The following TBXAS1 variants were observed in gnomAD, a reference collection of about 807,000 sequenced individuals.
TBXAS1 encodes the protein thromboxane-A synthase.
TBXAS1 carries 48 observed loss-of-function variants against 60.7 expected under a neutral mutation model. The observed-to-expected ratio is 0.79, with a 90% CI of 0.63 to 1.01. The LOEUF is 1.01. Ranked by LOEUF, TBXAS1 falls within the 50% of genes least tolerant of loss-of-function variation. TBXAS1 has a pLI of 0.00. For synonymous variants in TBXAS1, 287 were observed against 269.7 expected (o/e 1.06, Z -0.63); for missense variants, 685 against 686.3 (o/e 1.00, Z 0.02).
rs139712575 is a variant in TBXAS1, at chr7:139,910,261, C to T, written c.237-964C>T. ...GTAAGTATAATATGACATGTGTTTA[C>T]GCACTATCTCCAGTTAGAGTTCACG... On this transcript the variant is annotated intron_variant, in intron 3 of 12. Transcript: ENST00000448866. Among the ~76,000 whole-genome samples the T allele has an allele frequency of 6.8e-4, 103 of 152,278 alleles. No individual in the cohort carries two copies. The East Asian group carries it at 0.018, about 26-fold the overall frequency.
chr7:139,996,832 C>T (rs542897664), intron 9 of TBXAS1, among the ~76,000 whole-genome samples: 63 of 152,252 alleles, frequency 4.1e-4, no homozygotes, highest in Non-Finnish European at 8.4e-4. Context: ...CAATAGGGAA[C>T]AGCCAAGATA....
At chr7:140,017,865 G>T in intron 12 of TBXAS1, 32 bp downstream of exon 12, 4 of 1,613,942 alleles carry the variant, frequency 2.5e-6, no homozygotes, top group Non-Finnish European at 3.4e-6. Flanking sequence ...GCAGGGGCAG[G>T]GGCAGGGGTG....
chr7:139,955,607 T>A lies in TBXAS1; in HGVS notation c.688T>A (p.Leu230Ile). ...CIPRPILVLL[L>I]SFPSIMVPLA... is the part of the protein sequence containing the mutation. ...CCCCAGACCTATCCTGGTTTTACTC[T>A]GTAAGTGCGGCTGCAGCCCGGGGCG... Residue 230 changes from leucine (L) to isoleucine (I), a missense_variant and splice_region_variant, in exon 7 of 13, where the codon TTA becomes ATA. Physicochemically the swap from Leu to Ile is conservative, Grantham distance 5. Transcript: ENST00000448866. The A allele has an allele frequency of 6.2e-7, 1 of 1,614,090 alleles. No individual in the cohort carries two copies. The highest frequency in any genetic ancestry group is 8.5e-7 in the Non-Finnish European group (1 of 1,180,014).
chr7:139,990,233 AC>A (rs1369610420), intron 9 of TBXAS1, among the ~76,000 whole-genome samples: 1 of 151,854 alleles, frequency 6.6e-6, no homozygotes, highest in African/African-American at 2.4e-5. Flanking sequence ...CTGAAGGGAG[AC>A]CCCGAGGCCA....
At chr7:139,825,764 A>G (rs1798420115), upstream of TBXAS1, among the ~76,000 whole-genome samples, 1 of 152,222 alleles carries the variant, frequency 6.6e-6, no homozygotes, top group Admixed American at 6.5e-5. Context: ...TCACCTCTGT[A>G]AAAAAGAGTA....
chr7:139,987,862 T>C (rs757323163), intron 9 of TBXAS1, among the ~76,000 whole-genome samples: 1 of 152,152 alleles, frequency 6.6e-6, no homozygotes, highest in Non-Finnish European at 1.5e-5. Context: ...CCAAAAGACT[T>C]TGGGGGCCAC....
intron 2 of TBXAS1, 37 bp from the exon 3 acceptor site, chr7:139,875,548 T>C: frequency 6.3e-7 from 1 of 1,588,796 alleles, no homozygotes; most frequent in Non-Finnish European, 8.6e-7. Flanking sequence ...GAATTTTGCT[T>C]AATCTTATTC....
chr7:139,855,950 C>T (rs1185522966), intron 1 of TBXAS1, among the ~76,000 whole-genome samples: 1 of 152,194 alleles, frequency 6.6e-6, no homozygotes, highest in Non-Finnish European at 1.5e-5. Context: ...AAAGACACCA[C>T]AGTTTCCTTA....
chr7:139,851,254 C>G (rs1260799889), intron 1 of TBXAS1, among the ~76,000 whole-genome samples: 1 of 152,216 alleles, frequency 6.6e-6, no homozygotes, highest in Non-Finnish European at 1.5e-5. Context: ...TTCATTCAGA[C>G]AGCTCAGGAG....
intron 10 of TBXAS1, among the ~76,000 whole-genome samples, chr7:140,011,025 T>C (rs184281573): frequency 6.6e-6 from 1 of 150,982 alleles, no homozygotes; most frequent in Non-Finnish European, 1.5e-5. Context: ...CACCTGTAAT[T>C]CCAGCACTTT....
intron 4 of TBXAS1, among the ~76,000 whole-genome samples, chr7:139,800,503 C>T (rs1052905362): frequency 4.6e-5 from 7 of 152,152 alleles, no homozygotes; most frequent in African/African-American, 1.7e-4. Context: ...GTCATTCCCA[C>T]TTCCCGCCAC....
intron 3 of TBXAS1, among the ~76,000 whole-genome samples, chr7:139,903,510 G>A (rs1030611940): frequency 4.6e-5 from 7 of 152,030 alleles, no homozygotes; most frequent in Admixed American, 2.0e-4. Flanking sequence ...GTTCTTTAAG[G>A]AAACTCCACA....
rs191003536 is a variant in TBXAS1 at position 139,880,252 on chromosome 7, C to T, written c.236+4615C>T. On this transcript the variant is annotated intron_variant, in intron 3 of 12. Coordinates refer to ENST00000448866, the MANE Select transcript of TBXAS1 (RefSeq NM_001061.7). ...CTTAGCCTTATCCCCGTTTCTTCTT[C>T]CCCCAACATCACTTTAGTTTTGATC... is the stretch of plus-strand genomic sequence containing the variant. Among the ~76,000 whole-genome samples, 436 of 152,250 alleles carry T rather than the reference C, an allele frequency of 2.9e-3. 3 individuals carry two copies. Among genetic ancestry groups the T allele is most frequent in the Middle Eastern group, 0.014 (4 of 294 alleles).
intron 9 of TBXAS1, among the ~76,000 whole-genome samples, chr7:139,980,917 T>C (rs1433951468): frequency 6.6e-6 from 1 of 151,080 alleles, no homozygotes; most frequent in African/African-American, 2.4e-5. Context: ...CAGGCATTTC[T>C]TCCACAAGCA....
chr7:139,984,640 G>GAAAGAAAGAAAGAA (rs1554503305), intron 9 of TBXAS1, among the ~76,000 whole-genome samples: 4 of 99,860 alleles, frequency 4.0e-5, no homozygotes, highest in Middle Eastern at 6.3e-3. Flanking sequence ...GAGAGAGAGA[G>GAAAGAAAGAAAGAA]AGAAAGAAAG....
At chr7:139,876,223 C>G (rs750201636) in intron 3 of TBXAS1, among the ~76,000 whole-genome samples, 1 of 152,216 alleles carries the variant, frequency 6.6e-6, no homozygotes, top group Admixed American at 6.5e-5. Context: ...AGTTCTTGGC[C>G]GTGTAAAGTA....
intron 9 of TBXAS1, among the ~76,000 whole-genome samples, chr7:139,997,051 C>G (rs1294292281): frequency 1.3e-5 from 2 of 152,174 alleles, no homozygotes; most frequent in African/African-American, 4.8e-5. Flanking sequence ...CTTGACTCAT[C>G]AAAAACCTTC....
chr7:139,812,373 A>T (rs771631101), intron 4 of TBXAS1, among the ~76,000 whole-genome samples: 61 of 152,238 alleles, frequency 4.0e-4, no homozygotes, highest in Non-Finnish European at 7.3e-5. Flanking sequence ...CTCATATCAG[A>T]TGCTTTACCC....
At chr7:139,981,873 A>G (rs1157836215) in intron 9 of TBXAS1, among the ~76,000 whole-genome samples, 3 of 152,188 alleles carry the variant, frequency 2.0e-5, no homozygotes, top group African/African-American at 4.8e-5. Context: ...GAAAGATGTC[A>G]TTTTTTTCCC....
Sources: allele counts gnomAD v4.1 joint callset (sites outside exome capture counted in the v4.1 genomes callset), GRCh38; gene constraint gnomAD v4.1.1; transcripts MANE v1.5; gene names NCBI Gene and HGNC (gene_info 2026-07-23, HGNC 2026-07-21).